FAM227A: variants seen among roughly 807,000 people sequenced by gnomAD.
FAM227A encodes the protein protein FAM227A.
A neutral mutation model predicts 74.7 loss-of-function variants in FAM227A; 80 were observed. That is an observed-to-expected ratio of 1.07 (90% CI 0.89 to 1.29). The LOEUF (loss-of-function observed/expected upper bound fraction) is 1.29. FAM227A is among the 50% of genes most tolerant of loss of function. The probability of loss-of-function intolerance (pLI) is 0.00; values close to 1 mark genes in which losing one functional copy is unlikely to be tolerated. For missense variants in FAM227A, 654 were observed against 683.4 expected (o/e 0.96, Z 0.48); for synonymous variants, 237 against 241.8 (o/e 0.98, Z 0.19).
chr22:38,597,897 G>C (rs2146196280), intron 14 of FAM227A, among the ~76,000 whole-genome samples: 1 of 152,202 alleles, frequency 6.6e-6, no homozygotes, highest in East Asian at 1.9e-4. Context: ...CAAAAAATTA[G>C]CTGGGCATGG....
At position 38,583,006 on chromosome 22, in the gene FAM227A, A is replaced by G; in HGVS notation, c.*3119T>C. On this transcript the variant is annotated 3_prime_UTR_variant, in exon 17 of 17. Coordinates refer to ENST00000535113, the MANE Select transcript of FAM227A (RefSeq NM_001013647.2). ...TTCAGGTCCAGAAGCAGCAACAGAC[A>G]AAAGATCCAGAAATAGGAAAGTGTG... The G allele has an allele frequency of 6.5e-7, 1 of 1,528,434 alleles. No individual in the cohort carries two copies. The highest frequency in any genetic ancestry group is 8.9e-7 in the Non-Finnish European group (1 of 1,128,370). The allele number at this position is 1,528,434 out of a possible 1,614,324, so 94.7% of individuals were successfully genotyped here. A position where few individuals can be genotyped will look rare whatever the true frequency, so the allele number is the denominator to read the frequency against.
In FAM227A at chr22:38,650,021, G is replaced by A; in HGVS notation, c.142+6C>T. ...CTGATTGTAGGTGACATCACCAGAA[G>A]GATACAGGGTGGATTGTTCTCTAAC... On this transcript the variant is annotated splice_donor_region_variant and intron_variant, in intron 2 of 16. Coordinates refer to ENST00000535113, the MANE Select transcript of FAM227A (RefSeq NM_001013647.2). 1 of 1,552,072 alleles carries A rather than the reference G, an allele frequency of 6.4e-7. No homozygotes were observed. Among genetic ancestry groups the A allele is most frequent in the Non-Finnish European group, 8.7e-7 (1 of 1,147,032 alleles).
intron 8 of FAM227A, among the ~76,000 whole-genome samples, chr22:38,626,744 C>T (rs1299249056): frequency 6.7e-6 from 1 of 149,854 alleles, no homozygotes; most frequent in Non-Finnish European, 1.5e-5. Context: ...TGTGGTGGTG[C>T]ATGCCTGTAA....
In FAM227A at chr22:38,582,082, CAT is replaced by C. The variant is rs1394524854; in HGVS notation, c.*4041_*4042del. 2.3e-5 allele frequency: 9 copies of C among 391,548 alleles called. No homozygotes were observed. The East Asian group carries it at 2.6e-4, about 11-fold the overall frequency. 24.3% of individuals were successfully genotyped at this position (391,548 alleles called of 1,614,324 possible). A position where few individuals can be genotyped will look rare whatever the true frequency, so the allele number is the denominator to read the frequency against. On this transcript the variant is annotated 3_prime_UTR_variant, in exon 17 of 17. Coordinates refer to ENST00000535113, the MANE Select transcript of FAM227A (RefSeq NM_001013647.2). ...CAAAGCTTTATCGAAGTATAATTGA[CAT>C]ATGAGAAACTGCACACATTTAAAGT...
chr22:38,626,180 C>T lies in FAM227A; in HGVS notation c.850G>A (p.Gly284Ser). The change falls in exon 9 of 17, where the codon GGC (glycine) becomes AGC (serine). Residue 284 changes from glycine (G) to serine (S), a missense_variant and splice_region_variant. Transcript: ENST00000535113. Reference protein sequence around the residue: ...ICNTMSLWISGTYPSPQSYDS... With the variant: ...ICNTMSLWISSTYPSPQSYDS... ...CCGGTGGAAAAAAGTCACCTCTCAC[C>T]TGAAATCCACAGGCTCATTGTGTTA... is the stretch of plus-strand genomic sequence containing the variant. 6.4e-7 allele frequency: 1 copy of T among 1,551,102 alleles called. No homozygotes were observed. The highest frequency in any genetic ancestry group is 8.7e-7 in the Non-Finnish European group (1 of 1,146,794).
At chr22:38,586,463 C>T (rs972116291) in intron 16 of FAM227A, among the ~76,000 whole-genome samples, 2 of 152,078 alleles carry the variant, frequency 1.3e-5, no homozygotes, top group African/African-American at 4.8e-5. Context: ...CCCCAAAAAC[C>T]TCTAGGTAGC....
At chr22:38,601,655 G>A (rs1322226973) in intron 13 of FAM227A, among the ~76,000 whole-genome samples, 1 of 152,142 alleles carries the variant, frequency 6.6e-6, no homozygotes, top group Non-Finnish European at 1.5e-5. Context: ...TGCAGGAGTT[G>A]GGGAATTGCT....
chr22:38,634,339 CAT>C (rs1254480174), intron 6 of FAM227A, among the ~76,000 whole-genome samples: 1 of 151,244 alleles, frequency 6.6e-6, no homozygotes. Flanking sequence ...TCACTTTTAT[CAT>C]CACATTTTAT....
chr22:38,597,060 TA>T, intron 15 of FAM227A, 143 bp downstream of exon 15: 1 of 719,910 alleles, frequency 1.4e-6, no homozygotes, highest in Non-Finnish European at 2.3e-6. Context: ...TAGGAGTTTA[TA>T]ATCTGACCAC....
At position 38,582,785 on chromosome 22, in the gene FAM227A, TACTATGGTA is replaced by T; in HGVS notation, c.*3331_*3339del. The T allele has an allele frequency of 6.5e-7, 1 of 1,535,384 alleles. No homozygotes were observed. The highest frequency in any genetic ancestry group is 8.8e-7 in the Non-Finnish European group (1 of 1,135,270). On this transcript the variant is annotated 3_prime_UTR_variant, in exon 17 of 17. Coordinates refer to ENST00000535113, the MANE Select transcript of FAM227A (RefSeq NM_001013647.2). The stretch of plus-strand genomic sequence containing the variant: ...GATAGGTAGACAGGCAATTCCAATC[TACTATGGTA>T]ACTGCTGCCATAATGGGATGGCACA...
At chr22:38,590,006 G>C (rs952752585) in intron 16 of FAM227A, among the ~76,000 whole-genome samples, 5 of 151,942 alleles carry the variant, frequency 3.3e-5, no homozygotes, top group African/African-American at 4.8e-5. Flanking sequence ...CAGGGCTTTG[G>C]GAGGCTGAGG....
intron 1 of FAM227A, among the ~76,000 whole-genome samples, chr22:38,651,092 ACTT>A (rs2092315549): frequency 6.6e-6 from 1 of 152,116 alleles, no homozygotes; most frequent in Admixed American, 6.6e-5. Context: ...GACCCGCAGA[ACTT>A]CTTCCTGCTC....
chr22:38,640,738 A>G (rs185061027), intron 3 of FAM227A, among the ~76,000 whole-genome samples: 111 of 152,326 alleles, frequency 7.3e-4, no homozygotes, highest in Non-Finnish European at 1.1e-3. Context: ...GGGCCAGAGC[A>G]GTCACAGAGG....
Position 38,613,312 on chromosome 22 carries a change from C to CATATATAATATATATCAT in FAM227A, c.1039-5837_1039-5836insATGATATATATTATATAT, listed in dbSNP as rs1435078532. 7.1e-5 allele frequency among the ~76,000 whole-genome samples: 4 copies of CATATATAATATATATCAT among 56,542 alleles called. No individual in the cohort carries two copies. The South Asian group carries it at 1.3e-3, about 19-fold the overall frequency. The allele number at this position is 56,542 out of a possible 152,430, so 37.1% of individuals were successfully genotyped here. A position where few individuals can be genotyped will look rare whatever the true frequency, so the allele number is the denominator to read the frequency against. On this transcript the variant is annotated intron_variant, in intron 11 of 16. Transcript: ENST00000535113. ...AATATATATCATATATAATATATAACATATAATATATATCATATATAATAT... is the reference window on the plus strand; with the variant it reads ...AATATATATCATATATAATATATAACATATATAATATATATCATATATAATATATATCATATATAATAT...
intron 13 of FAM227A, among the ~76,000 whole-genome samples, chr22:38,600,637 C>T (rs964199723): frequency 3.3e-5 from 5 of 151,938 alleles, no homozygotes; most frequent in African/African-American, 7.3e-5. Context: ...CATGCCCAGC[C>T]GATAGTGTTA....
chr22:38,588,607 ACT>A (rs1171532241), intron 16 of FAM227A, among the ~76,000 whole-genome samples: 2 of 115,832 alleles, frequency 1.7e-5, no homozygotes, highest in African/African-American at 6.9e-5. Context: ...TAACAGAGTG[ACT>A]CTGTCTAAAA....
intron 3 of FAM227A, among the ~76,000 whole-genome samples, chr22:38,641,851 CACTT>C (rs891261591): frequency 2.0e-5 from 3 of 152,118 alleles, no homozygotes; most frequent in African/African-American, 4.8e-5. Flanking sequence ...GCCAAAAAGA[CACTT>C]ACAGATGATT....
intron 2 of FAM227A, among the ~76,000 whole-genome samples, chr22:38,649,658 G>A (rs759980141): frequency 4.6e-5 from 7 of 151,228 alleles, no homozygotes; most frequent in Non-Finnish European, 7.4e-5. Flanking sequence ...CTTGAGGTCC[G>A]GGGTTCAAGA....
intron 5 of FAM227A, 76 bp downstream of exon 5, chr22:38,638,667 TCTC>T (rs1260727516): frequency 3.8e-6 from 4 of 1,055,978 alleles, no homozygotes; most frequent in East Asian, 2.6e-5. Context: ...CACCAAGTAT[TCTC>T]CTCCCCAGGA....
Sources: gnomAD v4.1 joint callset for allele counts (sites outside exome capture counted in the v4.1 genomes callset) on GRCh38, gnomAD v4.1.1 for gene constraint, MANE v1.5 for transcripts, NCBI Gene and HGNC (gene_info 2026-07-23, HGNC 2026-07-21) for gene names.